Variants in PDE10A observed in about 807,000 individuals in gnomAD.
PDE10A encodes cAMP and cAMP-inhibited cGMP 3',5'-cyclic phosphodiesterase 10A.
Under a neutral mutation model 97.7 loss-of-function variants are expected in PDE10A, and 39 were observed. The ratio of observed to expected loss-of-function variants is 0.40; its 90% CI spans 0.31 to 0.52. The LOEUF is 0.52. Ranked by LOEUF, PDE10A falls within the 20% of genes least tolerant of loss-of-function variation. The pLI is 0.56. For missense variants in PDE10A, 731 were observed against 1,047.8 expected, an observed-to-expected ratio of 0.70 and a Z score of 4.17; for synonymous variants, 371 against 376.8, an observed-to-expected ratio of 0.98 and a Z score of 0.18.
intron 1 of PDE10A, among the ~76,000 whole-genome samples, chr6:165,570,771 C>T (rs1379907920): frequency 2.0e-5 from 3 of 152,210 alleles, no homozygotes; most frequent in East Asian, 1.9e-4. Flanking sequence ...CTAGTAATTA[C>T]AGTCGATTAT....
chr6:165,907,890 G>C (rs942780599), intron 1 of PDE10A, among the ~76,000 whole-genome samples: 21 of 152,204 alleles, frequency 1.4e-4, no homozygotes, highest in Admixed American at 5.2e-4. Context: ...TCAGCTCTTA[G>C]AGAGAACAGG....
At chr6:165,702,460 C>T (rs1791603163) in intron 1 of PDE10A, among the ~76,000 whole-genome samples, 1 of 152,198 alleles carries the variant, frequency 6.6e-6, no homozygotes, top group African/African-American at 2.4e-5. Flanking sequence ...GGAGAAGGAA[C>T]AGCCTTAACT....
intron 1 of PDE10A, among the ~76,000 whole-genome samples, chr6:165,815,142 C>A (rs527712368): frequency 1.3e-5 from 2 of 152,318 alleles, no homozygotes; most frequent in East Asian, 3.9e-4. Flanking sequence ...CGTCATCATG[C>A]ACGCCAGTGC....
chr6:165,811,803 G>A (rs1779290142), intron 1 of PDE10A, among the ~76,000 whole-genome samples: 2 of 152,116 alleles, frequency 1.3e-5, no homozygotes, highest in African/African-American at 4.8e-5. Flanking sequence ...TTTTAATTTT[G>A]TCTTATGCTG....
At chr6:165,383,446 A>T (rs1345699574) in intron 17 of PDE10A, among the ~76,000 whole-genome samples, 1 of 152,198 alleles carries the variant, frequency 6.6e-6, no homozygotes, top group African/African-American at 2.4e-5. Context: ...CACACAAAAC[A>T]GTCTGCTCAC....
chr6:165,947,223 G>A (rs1783800122), intron 1 of PDE10A: 1 of 152,152 alleles, frequency 6.6e-6, no homozygotes, highest in Non-Finnish European at 1.5e-5. Flanking sequence ...CCTGTAAGCT[G>A]AAAATCAGAT....
intron 1 of PDE10A, among the ~76,000 whole-genome samples, chr6:165,697,553 A>G (rs549161008): frequency 6.6e-6 from 1 of 152,368 alleles, no homozygotes; most frequent in Admixed American, 6.5e-5. Flanking sequence ...ATGAACAAAC[A>G]CAGACCACAA....
At chr6:165,807,742 C>T (rs1313926755) in intron 1 of PDE10A, among the ~76,000 whole-genome samples, 5 of 152,012 alleles carry the variant, frequency 3.3e-5, no homozygotes, top group Non-Finnish European at 5.9e-5. Flanking sequence ...GGCTTGCCGG[C>T]GGCAGTGGTT....
intron 1 of PDE10A, among the ~76,000 whole-genome samples, chr6:165,586,738 T>C (rs961575648): frequency 1.3e-5 from 2 of 152,204 alleles, no homozygotes; most frequent in African/African-American, 4.8e-5. Context: ...AAGTGACTTT[T>C]CATAAGAATG....
chr6:165,708,750 C>CCCTAT (rs1791790419), intron 1 of PDE10A, among the ~76,000 whole-genome samples: 1 of 121,684 alleles, frequency 8.2e-6, no homozygotes, highest in Non-Finnish European at 1.8e-5. Context: ...CACTCTCCAC[C>CCCTAT]GCCATGCTGC....
At position 165,331,653 on chromosome 6, in the gene PDE10A, T is replaced by C. The variant is rs1219145489; in HGVS notation, c.*1372A>G. ...TTCAGGTTTGGAGGTTACCGTGCCA[T>C]TGCACTAAAAATCTTTAAATTATTA... On this transcript the variant is annotated 3_prime_UTR_variant, in exon 22 of 22. Transcript: ENST00000539869. 1 of 152,238 alleles carries C rather than the reference T, an allele frequency of 6.6e-6. No homozygotes were observed. Among genetic ancestry groups the C allele is most frequent in the Non-Finnish European group, 1.5e-5 (1 of 68,038 alleles). 9.4% of individuals were successfully genotyped at this position (152,238 alleles called of 1,614,324 possible).
At chr6:165,783,914 C>T (rs184790956) in intron 1 of PDE10A, among the ~76,000 whole-genome samples, 64 of 152,200 alleles carry the variant, frequency 4.2e-4, no homozygotes, top group East Asian at 1.9e-3. Context: ...AAGTGAGAAG[C>T]GGCTATGAAA....
intron 1 of PDE10A, among the ~76,000 whole-genome samples, chr6:165,650,903 A>C (rs1295709628): frequency 6.6e-6 from 1 of 152,030 alleles, no homozygotes; most frequent in Non-Finnish European, 1.5e-5. Context: ...GCACCCAGCT[A>C]CTTTTTGTAT....
intron 1 of PDE10A, among the ~76,000 whole-genome samples, chr6:165,814,670 C>A (rs770684146): frequency 4.6e-5 from 7 of 152,130 alleles, no homozygotes; most frequent in Non-Finnish European, 8.8e-5. Flanking sequence ...TAGTCACATT[C>A]CTCAATTTGG....
At chr6:165,511,542 C>T (rs1293929204) in intron 2 of PDE10A, among the ~76,000 whole-genome samples, 2 of 151,916 alleles carry the variant, frequency 1.3e-5, no homozygotes, top group East Asian at 3.9e-4. Context: ...GATCCAAACA[C>T]CAGTTTAAAC....
chr6:165,897,579 T>G (rs965817381), intron 1 of PDE10A, among the ~76,000 whole-genome samples: 1 of 151,250 alleles, frequency 6.6e-6, no homozygotes, highest in African/African-American at 2.4e-5. Flanking sequence ...CGGCAGGAAC[T>G]GTTTCAATGA....
intron 1 of PDE10A, among the ~76,000 whole-genome samples, chr6:165,930,374 C>A (rs954620102): frequency 1.3e-5 from 2 of 152,172 alleles, no homozygotes; most frequent in African/African-American, 4.8e-5. Context: ...GGTGGCCACC[C>A]AGCAGGCAGG....
intron 1 of PDE10A, among the ~76,000 whole-genome samples, chr6:165,734,624 TTAA>T (rs1389181467): frequency 2.0e-5 from 3 of 152,096 alleles, no homozygotes; most frequent in Non-Finnish European, 4.4e-5. Flanking sequence ...TTGGATAAAA[TTAA>T]TGAGAGAGAG....
At chr6:165,607,572 G>A (rs953305900) in intron 1 of PDE10A, among the ~76,000 whole-genome samples, 14 of 152,066 alleles carry the variant, frequency 9.2e-5, no homozygotes, top group Admixed American at 5.9e-4. Flanking sequence ...CCATCAGGAC[G>A]TCACCTAGTG....
Sources: allele counts gnomAD v4.1 joint callset (sites outside exome capture counted in the v4.1 genomes callset), GRCh38; gene constraint gnomAD v4.1.1; transcripts MANE v1.5; gene names NCBI Gene and HGNC (gene_info 2026-07-23, HGNC 2026-07-21).